Variants in ZFHX3 observed in about 807,000 individuals in gnomAD.
ZFHX3 encodes zinc finger homeobox 3.
Under a neutral mutation model 279.1 loss-of-function variants are expected in ZFHX3, and 42 were observed. The ratio of observed to expected loss-of-function variants is 0.15; its 90% CI spans 0.12 to 0.19. The LOEUF (loss-of-function observed/expected upper bound fraction) is 0.19, where lower values mean the gene tolerates loss of function less well. Among genes scored for constraint, ZFHX3 ranks in the 10% least tolerant of loss-of-function variants. The pLI, the probability that ZFHX3 is intolerant of heterozygous loss-of-function variation, is 1.00. For missense variants in ZFHX3, 4,981 were observed against 4,754.0 expected (o/e 1.05, Z -1.40); for synonymous variants, 2,293 against 1,957.8 (o/e 1.17, Z -4.52).
intron 2 of ZFHX3, among the ~76,000 whole-genome samples, chr16:73,611,103 T>C (rs537703684): frequency 9.2e-5 from 14 of 152,380 alleles, no homozygotes; most frequent in African/African-American, 2.6e-4. Flanking sequence ...GCTGATCTTA[T>C]TTTGTTTTTG....
intron 5 of ZFHX3, among the ~76,000 whole-genome samples, chr16:73,155,151 T>C (rs8062177): frequency 0.63 from 91,071 of 145,496 alleles, 29,415 homozygotes; most frequent in African/African-American, 0.8. Context: ...TCAGCCTGGG[T>C]GACAGAGTGA....
At chr16:73,300,715 G>A (rs542625221) in intron 4 of ZFHX3, among the ~76,000 whole-genome samples, 63 of 152,262 alleles carry the variant, frequency 4.1e-4, no homozygotes, top group Non-Finnish European at 8.1e-4. Flanking sequence ...TGTTGGCCAG[G>A]CTGGTCTCGA....
Position 73,815,122 on chromosome 16 carries a change from G to A in ZFHX3, c.-1608+76529C>T, listed in dbSNP as rs1250661923. Among the ~76,000 whole-genome samples the A allele has an allele frequency of 2.0e-5, 3 of 152,150 alleles. No homozygotes were observed. The East Asian group carries it at 5.8e-4, about 29-fold the overall frequency. On this transcript the variant is annotated intron_variant, in intron 1 of 17. Transcript: ENST00000641206. ...TAACCCAAAGCCTAGCTTACAGAACGCACTCAACAAGTAGTAGAATAATGA... is the reference window on the plus strand; with the variant it reads ...TAACCCAAAGCCTAGCTTACAGAACACACTCAACAAGTAGTAGAATAATGA...
chr16:73,698,538 A>G (rs1478447485), intron 1 of ZFHX3, among the ~76,000 whole-genome samples: 1 of 152,214 alleles, frequency 6.6e-6, no homozygotes, highest in Non-Finnish European at 1.5e-5. Context: ...GTCGTCAGTA[A>G]TAAGACATAT....
intron 5 of ZFHX3, among the ~76,000 whole-genome samples, chr16:72,825,928 A>G (rs1321481766): frequency 6.6e-6 from 1 of 152,172 alleles, no homozygotes; most frequent in Non-Finnish European, 1.5e-5. Flanking sequence ...TCCATACCAA[A>G]AGTTCCATTC....
rs551347166 is a variant in ZFHX3, at chr16:73,414,318, A to G, written c.-1291+41685T>C. Among the ~76,000 whole-genome samples, 6 of 152,336 alleles carry G rather than the reference A, an allele frequency of 3.9e-5. No homozygotes were observed. The South Asian group carries it at 1.2e-3, about 32-fold the overall frequency. ...TTTATTGCTGCATCACAGATTATCG[A>G]CCACCTACTATGTGCCAGGCACTAT... On this transcript the variant is annotated intron_variant, in intron 3 of 17. Coordinates refer to the ZFHX3 transcript ENST00000641206.
At chr16:73,832,047 C>T (rs1359476936) in intron 1 of ZFHX3, among the ~76,000 whole-genome samples, 2 of 152,048 alleles carry the variant, frequency 1.3e-5, no homozygotes, top group Admixed American at 6.5e-5. Context: ...ATTATAGGCA[C>T]ATGCCACCAC....
chr16:73,646,017 A>G (rs2052615238), intron 2 of ZFHX3, among the ~76,000 whole-genome samples: 2 of 152,202 alleles, frequency 1.3e-5, no homozygotes, highest in Non-Finnish European at 2.9e-5. Context: ...CTGAAAATCG[A>G]TATAGCCTTT....
At chr16:73,456,813 G>T (rs1010322119) in intron 2 of ZFHX3, among the ~76,000 whole-genome samples, 6 of 152,198 alleles carry the variant, frequency 3.9e-5, no homozygotes, top group Non-Finnish European at 4.4e-5. Context: ...GAATTACTAA[G>T]CATCAACTAC....
At chr16:73,507,873 A>G (rs1025740059) in intron 2 of ZFHX3, among the ~76,000 whole-genome samples, 2 of 152,048 alleles carry the variant, frequency 1.3e-5, no homozygotes, top group African/African-American at 4.8e-5. Context: ...CCGTCAATAA[A>G]ATGGAATCAT....
intron 6 of ZFHX3, among the ~76,000 whole-genome samples, chr16:73,141,342 T>C (rs1966847362): frequency 6.6e-6 from 1 of 152,190 alleles, no homozygotes; most frequent in African/African-American, 2.4e-5. Flanking sequence ...ACAAAAGTAG[T>C]TGCTGATATT....
intron 2 of ZFHX3, among the ~76,000 whole-genome samples, chr16:73,669,851 T>A (rs1388855214): frequency 6.6e-6 from 1 of 152,224 alleles, no homozygotes; most frequent in African/African-American, 2.4e-5. Flanking sequence ...GTATTTTTTT[T>A]AAATCTCAGA....
At chr16:73,157,010 C>T (rs1348137240) in intron 5 of ZFHX3, among the ~76,000 whole-genome samples, 1 of 152,160 alleles carries the variant, frequency 6.6e-6, no homozygotes, top group East Asian at 1.9e-4. Flanking sequence ...CCGTGCCCGG[C>T]CTCCTGGCTT....
At chr16:73,533,003 C>A (rs988533224) in intron 2 of ZFHX3, among the ~76,000 whole-genome samples, 2 of 152,168 alleles carry the variant, frequency 1.3e-5, no homozygotes, top group African/African-American at 2.4e-5. Context: ...AACCTCTGTT[C>A]TTTATAAATT....
chr16:72,906,143 A>G (rs1370632543), intron 3 of ZFHX3, among the ~76,000 whole-genome samples: 1 of 151,898 alleles, frequency 6.6e-6, no homozygotes, highest in Non-Finnish European at 1.5e-5. Context: ...AATTCGATCC[A>G]AAGATGCCGC....
At chr16:73,543,885 G>GAAGAGAGAGA (rs2020061586) in intron 2 of ZFHX3, 1 of 136,454 alleles carries the variant, frequency 7.3e-6, no homozygotes, top group African/African-American at 3.1e-5. Flanking sequence ...AGCGAGAGAG[G>GAAGAGAGAGA]GAGAGAGAGA....
At chr16:73,611,081 T>A (rs2052240578) in intron 2 of ZFHX3, among the ~76,000 whole-genome samples, 1 of 152,220 alleles carries the variant, frequency 6.6e-6, no homozygotes, top group Admixed American at 6.5e-5. Context: ...GATTAAACCT[T>A]TCTGTTTGTT....
At position 73,792,924 on chromosome 16, in the gene ZFHX3, G is replaced by A. The variant is rs77822219; in HGVS notation, c.-1608+98727C>T. Among the ~76,000 whole-genome samples, 639 of 151,566 alleles carry A rather than the reference G, an allele frequency of 4.2e-3. 4 individuals carry two copies. The highest frequency in any genetic ancestry group is 0.014 in the African/African-American group (593 of 41,210). Reference sequence around the variant, plus strand: ...TGTAGCAACTTCTGTATGGTTTGGGGTTGACGTTTGTTACAGAGAGCAGGT... The same window carrying A: ...TGTAGCAACTTCTGTATGGTTTGGGATTGACGTTTGTTACAGAGAGCAGGT... On this transcript the variant is annotated intron_variant, in intron 1 of 17. Coordinates refer to the ZFHX3 transcript ENST00000641206.
At chr16:73,641,512 G>T (rs2052573013) in intron 2 of ZFHX3, among the ~76,000 whole-genome samples, 1 of 152,142 alleles carries the variant, frequency 6.6e-6, no homozygotes, top group Non-Finnish European at 1.5e-5. Flanking sequence ...TTAGGCAGGC[G>T]AAAAGATGTG....
Sources: allele counts gnomAD v4.1 joint callset (sites outside exome capture counted in the v4.1 genomes callset), GRCh38; gene constraint gnomAD v4.1.1; transcripts MANE v1.5; gene names NCBI Gene and HGNC (gene_info 2026-07-23, HGNC 2026-07-21).